ZNF487: variants seen among roughly 807,000 people sequenced by gnomAD.
ZNF487 encodes the protein KRAB domain only 1.
In ZNF487, 4 loss-of-function variants were observed where a neutral mutation model predicts 3.0. The ratio of observed to expected loss-of-function variants is 1.35; its 90% CI spans 0.66 to 3.08. The LOEUF (loss-of-function observed/expected upper bound fraction) is 3.08. Ranked by LOEUF, ZNF487 falls within the 30% of genes most tolerant of loss-of-function variation. ZNF487 has a pLI of 0.01. For synonymous variants in ZNF487, 55 were observed against 34.6 expected (o/e 1.59, Z -2.06); for missense variants, 146 against 98.7 (o/e 1.48, Z -2.03).
chr10:43,502,542 T>C, the ZNF487 span, among the ~76,000 whole-genome samples: 7 of 152,084 alleles, frequency 4.6e-5, no homozygotes, highest in Non-Finnish European at 1.0e-4. Flanking sequence ...AGAAACTAAA[T>C]ACCTAAATAA....
intron 1 of ZNF487, among the ~76,000 whole-genome samples, chr10:43,470,633 C>T (rs1207156878): frequency 6.6e-5 from 10 of 152,036 alleles, no homozygotes. Context: ...GATCCACCTG[C>T]CTCGGCCTTC....
At chr10:43,513,997 T>C in the ZNF487 span, among the ~76,000 whole-genome samples, 1 of 152,116 alleles carries the variant, frequency 6.6e-6, no homozygotes, top group Admixed American at 6.5e-5. Context: ...AAAGAGTCAC[T>C]ATGTAAATTG....
intron 3 of ZNF487, among the ~76,000 whole-genome samples, chr10:43,479,543 A>G (rs1245471707): frequency 1.3e-5 from 2 of 152,208 alleles, no homozygotes; most frequent in Non-Finnish European, 2.9e-5. Context: ...TCATCCTTCA[A>G]TTTTCTTATT....
chr10:43,479,846 G>C (rs530435273), intron 3 of ZNF487, among the ~76,000 whole-genome samples: 1 of 151,840 alleles, frequency 6.6e-6, no homozygotes, highest in Non-Finnish European at 1.5e-5. Context: ...TACTAGAGAC[G>C]GGGTTTGCCG....
intron 1 of ZNF487, among the ~76,000 whole-genome samples, chr10:43,473,087 G>GACC (rs975197734): frequency 2.8e-5 from 4 of 145,354 alleles, no homozygotes; most frequent in African/African-American, 1.0e-4. Context: ...TGTATATGGT[G>GACC]ACTTTACCAT....
chr10:43,493,014 T>G, the ZNF487 span, among the ~76,000 whole-genome samples: 1 of 152,130 alleles, frequency 6.6e-6, no homozygotes, highest in Non-Finnish European at 1.5e-5. Context: ...GTGGATCACC[T>G]GAGGTCAGCA....
At chr10:43,489,255 A>G in the ZNF487 span, among the ~76,000 whole-genome samples, 4 of 152,246 alleles carry the variant, frequency 2.6e-5, no homozygotes, top group African/African-American at 9.6e-5. Context: ...GTTCAAGACC[A>G]ACCTGGCCAA....
At chr10:43,510,867 G>C in the ZNF487 span, among the ~76,000 whole-genome samples, 1 of 152,166 alleles carries the variant, frequency 6.6e-6, no homozygotes, top group South Asian at 2.1e-4. Context: ...TTCTTAGCCG[G>C]TTCACTTAAA....
the ZNF487 span, among the ~76,000 whole-genome samples, chr10:43,490,339 A>G: frequency 6.6e-6 from 1 of 152,014 alleles, no homozygotes; most frequent in Admixed American, 6.6e-5. Flanking sequence ...GCAACAGACC[A>G]AGACCCTGCC....
chr10:43,503,167 A>G, the ZNF487 span, among the ~76,000 whole-genome samples: 1 of 152,174 alleles, frequency 6.6e-6, no homozygotes, highest in East Asian at 1.9e-4. Context: ...CCAGTGGAAC[A>G]AGATGTGGAG....
chr10:43,447,265 CAG>C (rs1163515649), intron 1 of ZNF487, among the ~76,000 whole-genome samples: 12 of 125,820 alleles, frequency 9.5e-5, no homozygotes, highest in Non-Finnish European at 2.0e-4. Flanking sequence ...TTTTTTGAGA[CAG>C]AGTCTCGCTC....
the ZNF487 span, among the ~76,000 whole-genome samples, chr10:43,498,955 A>AAG: frequency 6.6e-6 from 1 of 152,248 alleles, no homozygotes; most frequent in East Asian, 1.9e-4. Flanking sequence ...AAAAAAAAAA[A>AAG]AAGATTGTAG....
intron 1 of ZNF487, among the ~76,000 whole-genome samples, chr10:43,472,015 G>A (rs1005654778): frequency 4.6e-5 from 7 of 152,194 alleles, no homozygotes; most frequent in African/African-American, 1.7e-4. Context: ...GCTTTAAACT[G>A]TCTTTGGCTT....
intron 1 of ZNF487, among the ~76,000 whole-genome samples, chr10:43,465,085 G>A (rs1237043850): frequency 1.4e-5 from 2 of 146,640 alleles, no homozygotes; most frequent in Non-Finnish European, 3.0e-5. Context: ...GGCTGGCCGG[G>A]CGGGGGGCTG....
the ZNF487 span, among the ~76,000 whole-genome samples, chr10:43,499,421 A>ATTT: frequency 1.3e-5 from 2 of 152,190 alleles, no homozygotes; most frequent in East Asian, 3.9e-4. Flanking sequence ...TTGTTATTTT[A>ATTT]TTTTATTTGT....
chr10:43,510,879 G>A, the ZNF487 span, among the ~76,000 whole-genome samples: 1 of 152,198 alleles, frequency 6.6e-6, no homozygotes, highest in Non-Finnish European at 1.5e-5. Context: ...TCACTTAAAG[G>A]TAGAAGAAGC....
chr10:43,465,987 A>C (rs1840684306), intron 1 of ZNF487, among the ~76,000 whole-genome samples: 1 of 152,168 alleles, frequency 6.6e-6, no homozygotes, highest in Non-Finnish European at 1.5e-5. Flanking sequence ...GGAGCTGGAG[A>C]CCAGCCCGGC....
intron 1 of ZNF487, among the ~76,000 whole-genome samples, chr10:43,460,872 T>C (rs1840407245): frequency 6.6e-6 from 1 of 151,876 alleles, no homozygotes; most frequent in African/African-American, 2.4e-5. Context: ...TTTGTATTTT[T>C]AGAGAGACAG....
In ZNF487 at chr10:43,482,302, G is replaced by A. The variant is rs944533191; in HGVS notation, c.*380G>A. 8 of 402,684 alleles carry A rather than the reference G, an allele frequency of 2.0e-5. No homozygotes were observed. Among genetic ancestry groups the A allele is most frequent in the African/African-American group, 4.2e-5 (2 of 47,956 alleles). 24.9% of individuals were successfully genotyped at this position (402,684 alleles called of 1,614,324 possible). On this transcript the variant is annotated 3_prime_UTR_variant, in exon 4 of 4. Coordinates refer to ENST00000437590, the MANE Select transcript of ZNF487 (RefSeq NM_001355444.3). ...GTAAGCCAAAGCATTCTGTATATCA[G>A]AAAACAGATACAGAAGAAAAACTCT... is the stretch of plus-strand genomic sequence containing the variant.
Sources: gnomAD v4.1 joint callset for allele counts (sites outside exome capture counted in the v4.1 genomes callset) on GRCh38, gnomAD v4.1.1 for gene constraint, MANE v1.5 for transcripts, NCBI Gene and HGNC (gene_info 2026-07-23, HGNC 2026-07-21) for gene names.